The following BTC variants were observed in gnomAD, a reference collection of about 807,000 sequenced individuals.
BTC encodes the protein betacellulin.
BTC carries 13 observed loss-of-function variants against 18.1 expected under a neutral mutation model. The ratio of observed to expected loss-of-function variants is 0.72; its 90% CI spans 0.47 to 1.14. The LOEUF (loss-of-function observed/expected upper bound fraction) is 1.14, where lower values mean the gene tolerates loss of function less well. Among genes scored for constraint, BTC ranks in the 50% most tolerant of loss-of-function variants. BTC has a pLI of 0.00. For synonymous variants in BTC, 83 were observed against 79.4 expected (o/e 1.05, Z -0.24); for missense variants, 247 against 224.2 (o/e 1.10, Z -0.65).
At chr4:74,757,953 G>C (rs1724646973) in intron 2 of BTC, among the ~76,000 whole-genome samples, 1 of 152,200 alleles carries the variant, frequency 6.6e-6, no homozygotes, top group Non-Finnish European at 1.5e-5. Flanking sequence ...TCCTGGGATA[G>C]TAAACTCCTC....
chr4:74,786,715 C>T (rs976701110), intron 1 of BTC, among the ~76,000 whole-genome samples: 2 of 152,116 alleles, frequency 1.3e-5, no homozygotes, highest in African/African-American at 2.4e-5. Context: ...CCCTTCCCTC[C>T]CCAACTTAGA....
intron 1 of BTC, among the ~76,000 whole-genome samples, chr4:74,777,291 A>G (rs1006569883): frequency 6.6e-6 from 1 of 152,190 alleles, no homozygotes; most frequent in Admixed American, 6.6e-5. Context: ...AAGAAGGTGG[A>G]GGGTAGAAAT....
intron 1 of BTC, among the ~76,000 whole-genome samples, chr4:74,791,011 G>A (rs905990855): frequency 4.6e-5 from 7 of 152,162 alleles, no homozygotes; most frequent in Middle Eastern, 3.2e-3. Context: ...TATATGCAAC[G>A]CAACGTCTCT....
intron 1 of BTC, among the ~76,000 whole-genome samples, chr4:74,772,105 A>G (rs577498698): frequency 1.3e-5 from 2 of 152,322 alleles, no homozygotes; most frequent in African/African-American, 4.8e-5. Context: ...TTTAAGTGTG[A>G]TAAGTGTAAA....
intron 4 of BTC, 47 bp from the exon 5 acceptor site, chr4:74,748,196 C>T (rs546136065): frequency 3.5e-6 from 4 of 1,143,828 alleles, no homozygotes; most frequent in African/African-American, 1.6e-5. Flanking sequence ...GTAGTTCATG[C>T]GAACACAAAA....
chr4:74,791,270 A>T (rs1725618090), intron 1 of BTC, among the ~76,000 whole-genome samples: 1 of 152,150 alleles, frequency 6.6e-6, no homozygotes, highest in Non-Finnish European at 1.5e-5. Context: ...TGAGCCCTGG[A>T]GGCGGAGGTT....
At chr4:74,777,921 G>A (rs1372335097) in intron 1 of BTC, among the ~76,000 whole-genome samples, 1 of 151,978 alleles carries the variant, frequency 6.6e-6, no homozygotes, top group African/African-American at 2.4e-5. Context: ...ATAAGCATTT[G>A]GGGAACTTTC....
In BTC at chr4:74,776,865, G is replaced by A. The variant is rs115243319; in HGVS notation, c.65-6709C>T. 6.4e-3 allele frequency among the ~76,000 whole-genome samples: 975 copies of A among 151,934 alleles called. 7 individuals carry two copies. The highest frequency in any genetic ancestry group is 0.022 in the African/African-American group (926 of 41,412). On this transcript the variant is annotated intron_variant, in intron 1 of 5. Coordinates refer to ENST00000395743, the MANE Select transcript of BTC (RefSeq NM_001729.4). ...CATTCATTTATATTCTGATGATTTA[G>A]GACATCTTCCTAGATACACTCCAAA... is the stretch of plus-strand genomic sequence containing the variant.
intron 1 of BTC, among the ~76,000 whole-genome samples, chr4:74,777,733 A>G (rs1354237995): frequency 6.6e-6 from 1 of 152,166 alleles, no homozygotes; most frequent in Non-Finnish European, 1.5e-5. Context: ...CATACCATTT[A>G]TGTCAGTTGG....
At chr4:74,762,133 A>G (rs1443410634) in intron 2 of BTC, among the ~76,000 whole-genome samples, 1 of 152,150 alleles carries the variant, frequency 6.6e-6, no homozygotes, top group Non-Finnish European at 1.5e-5. Flanking sequence ...GTATTTATTT[A>G]TTTTTCAAGA....
Position 74,748,168 on chromosome 4 carries a change from G to A in BTC, c.429-19C>T, listed in dbSNP as rs368198059. On this transcript the variant is annotated intron_variant, in intron 4 of 5. Transcript: ENST00000395743. ...AAGAGGGCTTGGAAAATACGTGTTA[G>A]AAGTTAGTATGGGCCTAGTAGTTCA... 110 of 1,489,186 alleles carry A rather than the reference G, an allele frequency of 7.4e-5. No individual in the cohort carries two copies. The highest frequency in any genetic ancestry group is 9.2e-5 in the Non-Finnish European group (99 of 1,076,784). 92.2% of individuals were successfully genotyped at this position (1,489,186 alleles called of 1,614,324 possible).
At chr4:74,752,402 CG>C (rs1553956274) in intron 3 of BTC, among the ~76,000 whole-genome samples, 1 of 129,540 alleles carries the variant, frequency 7.7e-6, no homozygotes. Flanking sequence ...TTTTTTGAGA[CG>C]GTGTCTCGCT....
At chr4:74,767,975 G>C (rs1034977265) in intron 2 of BTC, among the ~76,000 whole-genome samples, 1 of 152,086 alleles carries the variant, frequency 6.6e-6, no homozygotes. Context: ...TTTTGGCAAT[G>C]ATTTCTTAGA....
intron 4 of BTC, among the ~76,000 whole-genome samples, chr4:74,749,489 A>AATAAATAG (rs1364100754): frequency 7.4e-5 from 11 of 148,990 alleles, no homozygotes; most frequent in African/African-American, 2.7e-4. Flanking sequence ...TCTCAAAATA[A>AATAAATAG]ATAAATAAAT....
intron 2 of BTC, among the ~76,000 whole-genome samples, chr4:74,763,385 A>G (rs1474059378): frequency 1.3e-5 from 2 of 152,132 alleles, no homozygotes; most frequent in African/African-American, 4.8e-5. Context: ...CACAGGCCTA[A>G]TCTCTCATTG....
intron 1 of BTC, among the ~76,000 whole-genome samples, chr4:74,780,158 A>G (rs1385801664): frequency 6.6e-6 from 1 of 152,180 alleles, no homozygotes; most frequent in Non-Finnish European, 1.5e-5. Context: ...AAATAATTCA[A>G]TTGATTTCAT....
intron 2 of BTC, among the ~76,000 whole-genome samples, chr4:74,764,189 C>T (rs965050240): frequency 6.6e-6 from 1 of 151,798 alleles, no homozygotes; most frequent in Non-Finnish European, 1.5e-5. Flanking sequence ...AATGTAAAAG[C>T]TAAAAATTAT....
rs1348550043 is a variant in BTC, at chr4:74,765,969, T to A, written c.163+4089A>T. The stretch of plus-strand genomic sequence containing the variant: ...CACACCTTAGTTATATGGTATAGCT[T>A]ATTGCTCTGAGGCTACAAACCTATA... On this transcript the variant is annotated intron_variant, in intron 2 of 5. Coordinates refer to ENST00000395743, the MANE Select transcript of BTC (RefSeq NM_001729.4). Among the ~76,000 whole-genome samples, 3 of 152,280 alleles carry A rather than the reference T, an allele frequency of 2.0e-5. No homozygotes were observed. The East Asian group carries it at 5.8e-4, about 29-fold the overall frequency.
intron 2 of BTC, among the ~76,000 whole-genome samples, chr4:74,762,298 T>C (rs1383076174): frequency 3.3e-5 from 5 of 152,228 alleles, no homozygotes; most frequent in African/African-American, 9.6e-5. Flanking sequence ...AGAGATGGTG[T>C]CTCTGAATTC....
Sources: allele counts gnomAD v4.1 joint callset (sites outside exome capture counted in the v4.1 genomes callset), GRCh38; gene constraint gnomAD v4.1.1; transcripts MANE v1.5; gene names NCBI Gene and HGNC (gene_info 2026-07-23, HGNC 2026-07-21).